The following CSNK1G2 variants were observed in gnomAD, a reference collection of about 807,000 sequenced individuals.
The protein encoded by CSNK1G2 is casein kinase 1 gamma 2.
A neutral mutation model predicts 48.0 loss-of-function variants in CSNK1G2; 11 were observed. That is an observed-to-expected ratio of 0.23 (90% confidence interval 0.14 to 0.38). The LOEUF is 0.38. Ranked by LOEUF, CSNK1G2 falls within the 10% of genes least tolerant of loss-of-function variation. The pLI, the probability that CSNK1G2 is intolerant of heterozygous loss-of-function variation, is 1.00. For synonymous variants in CSNK1G2, 337 were observed against 254.1 expected, an observed-to-expected ratio of 1.33 and a Z score of -3.10; for missense variants, 446 against 595.5, an observed-to-expected ratio of 0.75 and a Z score of 2.61.
intron 1 of CSNK1G2, among the ~76,000 whole-genome samples, chr19:1,963,549 C>G (rs147895543): frequency 2.6e-5 from 4 of 151,458 alleles, no homozygotes; most frequent in South Asian, 2.1e-4. Flanking sequence ...GCTGTATCAC[C>G]CAGGCTGGAG....
intron 1 of CSNK1G2, among the ~76,000 whole-genome samples, chr19:1,958,118 C>A (rs1040598707): frequency 6.6e-6 from 1 of 152,046 alleles, no homozygotes; most frequent in African/African-American, 2.4e-5. Flanking sequence ...GGTCTGGAGG[C>A]GTTGGAAGCA....
intron 1 of CSNK1G2, chr19:1,968,684 T>A (rs571023675): frequency 6.6e-6 from 1 of 152,616 alleles, no homozygotes; most frequent in African/African-American, 2.4e-5. Context: ...ACCAGAGGCT[T>A]CTGTCTTTTC....
At chr19:1,966,601 G>A (rs1040201131) in intron 1 of CSNK1G2, among the ~76,000 whole-genome samples, 1 of 152,178 alleles carries the variant, frequency 6.6e-6, no homozygotes, top group African/African-American at 2.4e-5. Context: ...TGAGAGGACC[G>A]ACTGCAGTTC....
intron 1 of CSNK1G2, chr19:1,953,542 T>C (rs779863035): frequency 3.1e-5 from 16 of 522,596 alleles, no homozygotes; most frequent in Non-Finnish European, 3.9e-5. Context: ...TGTGGACTAG[T>C]TGCAGGGACA....
intron 1 of CSNK1G2, among the ~76,000 whole-genome samples, chr19:1,954,870 G>A (rs892901513): frequency 4.6e-5 from 7 of 152,162 alleles, no homozygotes; most frequent in African/African-American, 1.7e-4. Flanking sequence ...CGGAATCGTG[G>A]CTGCGTGGGT....
At chr19:1,958,265 G>A (rs952243328) in intron 1 of CSNK1G2, among the ~76,000 whole-genome samples, 11 of 149,436 alleles carry the variant, frequency 7.4e-5, no homozygotes, top group Admixed American at 4.0e-4. Flanking sequence ...CCCAGAGGCC[G>A]CTGGGCCTCG....
intron 1 of CSNK1G2, among the ~76,000 whole-genome samples, chr19:1,941,997 C>T (rs1348016017): frequency 2.6e-5 from 4 of 152,114 alleles, no homozygotes; most frequent in African/African-American, 9.7e-5. Flanking sequence ...GGCCCCTCCC[C>T]ACGCAGCTGT....
intron 1 of CSNK1G2, among the ~76,000 whole-genome samples, chr19:1,947,908 C>T (rs1191880361): frequency 3.9e-5 from 6 of 151,978 alleles, no homozygotes; most frequent in Admixed American, 2.6e-4. Context: ...GGACCTCGCC[C>T]GCGGCCCTGG....
intron 1 of CSNK1G2, among the ~76,000 whole-genome samples, chr19:1,958,908 C>T (rs192352351): frequency 1.0e-4 from 6 of 60,120 alleles, no homozygotes; most frequent in Non-Finnish European, 9.8e-5. Flanking sequence ...CCCGTCCCCC[C>T]CACCCCCGTC....
chr19:1,966,705 C>G (rs1238185750), intron 1 of CSNK1G2, among the ~76,000 whole-genome samples: 1 of 152,024 alleles, frequency 6.6e-6, no homozygotes, highest in Non-Finnish European at 1.5e-5. Context: ...ATCGCTGTGG[C>G]CAACTTTTTT....
intron 1 of CSNK1G2, among the ~76,000 whole-genome samples, chr19:1,949,614 TTC>T (rs2014691138): frequency 6.6e-6 from 1 of 152,264 alleles, no homozygotes; most frequent in African/African-American, 2.4e-5. Flanking sequence ...TGCGTGATTC[TTC>T]TGTCAGGTGG....
At chr19:1,952,924 A>G in intron 1 of CSNK1G2, 1 of 449,410 alleles carries the variant, frequency 2.2e-6, no homozygotes, top group Admixed American at 3.3e-5. Context: ...CTTCGAGTGG[A>G]GGGAAACCGG....
rs1411579019 is a variant in CSNK1G2 at position 1,979,764 on chromosome 19, G to A, written c.1015G>A (p.Gly339Ser). Residue 339 changes from glycine (G) to serine (S), a missense_variant, in exon 10 of 12, where the codon GGC becomes AGC. Coordinates refer to ENST00000255641, the MANE Select transcript of CSNK1G2 (RefSeq NM_001319.7). Reference protein sequence around the residue: ...WAGKPLPTPIGTVHTDLPSQP... With the variant: ...WAGKPLPTPISTVHTDLPSQP... Reference sequence around the variant, plus strand: ...CCCTCACCCACAGCCGACCCCCATCGGCACCGTCCACACCGACCTGCCCTC... The same window carrying A: ...CCCTCACCCACAGCCGACCCCCATCAGCACCGTCCACACCGACCTGCCCTC... The A allele has an allele frequency of 1.9e-6, 3 of 1,606,132 alleles. No individual in the cohort carries two copies. The highest frequency in any genetic ancestry group is 2.5e-6 in the Non-Finnish European group (3 of 1,179,158).
chr19:1,953,165 C>T (rs116294380), intron 1 of CSNK1G2, among the ~76,000 whole-genome samples: 2 of 152,312 alleles, frequency 1.3e-5, no homozygotes, highest in East Asian at 1.9e-4. Context: ...CGGGACCTGC[C>T]GTGGGAGCTT....
In CSNK1G2 at chr19:1,951,139, C is replaced by T. The variant is rs1365929893; in HGVS notation, c.-266+9721C>T. Among the ~76,000 whole-genome samples, 3 of 145,736 alleles carry T rather than the reference C, an allele frequency of 2.1e-5. 1 individual carries two copies. The highest frequency in any genetic ancestry group is 4.2e-4 in the East Asian group (2 of 4,718). ...AAAGATGGCCAGGCACGGTGGCTCA[C>T]GCCTGTAATCCCAGCACTTTGGGAG... On this transcript the variant is annotated intron_variant, in intron 1 of 11. Coordinates refer to ENST00000255641, the MANE Select transcript of CSNK1G2 (RefSeq NM_001319.7).
rs1599332171 is a variant in CSNK1G2, at chr19:1,978,021, G to A, written c.188-284G>A. 6.6e-6 allele frequency among the ~76,000 whole-genome samples: 1 copy of A among 152,050 alleles called. No homozygotes were observed. Among genetic ancestry groups the A allele is most frequent in the African/African-American group, 2.4e-5 (1 of 41,412 alleles). On this transcript the variant is annotated intron_variant, in intron 2 of 11. Transcript: ENST00000255641. The surrounding 1 kb of genome is among the most constrained non-coding windows in gnomAD (Gnocchi z 7.3). The stretch of plus-strand genomic sequence containing the variant: ...CTGCAGGCCGTGAGAGACCTCCCCA[G>A]TGCCGCTTCTGTCCTGGGCTAGGGA...
At chr19:1,953,117 G>A (rs2014838907) in intron 1 of CSNK1G2, 3 of 388,944 alleles carry the variant, frequency 7.7e-6, no homozygotes, top group South Asian at 5.5e-5. Context: ...AGATGTAGCA[G>A]GATTCCGATG....
intron 1 of CSNK1G2, among the ~76,000 whole-genome samples, chr19:1,960,981 G>A (rs1408097728): frequency 6.6e-6 from 1 of 152,248 alleles, no homozygotes; most frequent in Non-Finnish European, 1.5e-5. Context: ...TCCCCGTGCT[G>A]GTGGCTCATC....
At chr19:1,955,770 C>T (rs1485565478) in intron 1 of CSNK1G2, among the ~76,000 whole-genome samples, 2 of 152,162 alleles carry the variant, frequency 1.3e-5, no homozygotes, top group East Asian at 1.9e-4. Context: ...TGCTCGGCTC[C>T]GGGCTCCATC....
Sources: allele counts gnomAD v4.1 joint callset (sites outside exome capture counted in the v4.1 genomes callset), GRCh38; gene constraint gnomAD v4.1.1; non-coding constraint Gnocchi (gnomAD v3.1); transcripts MANE v1.5; gene names NCBI Gene and HGNC (gene_info 2026-07-23, HGNC 2026-07-21).